Variants in ZNF518A observed in about 807,000 individuals in gnomAD.
ZNF518A encodes the protein zinc finger protein 518A.
In ZNF518A, 47 loss-of-function variants were observed where a neutral mutation model predicts 102.7. The observed-to-expected ratio is 0.46, with a 90% CI of 0.36 to 0.58. The LOEUF (loss-of-function observed/expected upper bound fraction) is 0.58, where lower values mean the gene tolerates loss of function less well. ZNF518A is among the 20% of genes least tolerant of loss of function. ZNF518A has a pLI of 0.00. For synonymous variants in ZNF518A, 652 were observed against 594.6 expected (o/e 1.10, Z -1.40); for missense variants, 1,793 against 1,699.8 (o/e 1.05, Z -0.96).
chr10:96,158,048 G>C lies in ZNF518A; in HGVS notation c.1726G>C (p.Val576Leu). 1 of 1,613,736 alleles carries C rather than the reference G, an allele frequency of 6.2e-7. No individual in the cohort carries two copies. The highest frequency in any genetic ancestry group is 8.5e-7 in the Non-Finnish European group (1 of 1,179,784). ...CACAAAATTTGAAACAAGAGATAAT[G>C]TTGACTTCTGGGGAAATCATCTCAC... is the stretch of plus-strand genomic sequence containing the variant. ...LTTKFETRDNVDFWGNHLTQS... is the reference protein window; with the variant it reads ...LTTKFETRDNLDFWGNHLTQS... The change falls in exon 6 of 6, where the codon GTT (valine) becomes CTT (leucine). Residue 576 changes from valine to leucine, a missense_variant. By Grantham distance (32) the Val-to-Leu change is conservative. Around this residue, in one of 3 missense-constraint regions of ZNF518A, gnomAD observed 1,741 missense variants for 1,622.6 expected, o/e 1.07. Coordinates refer to ENST00000316045, the MANE Select transcript of ZNF518A (RefSeq NM_001330736.2).
chr10:96,190,115 C>A lies in ZNF518A; in HGVS notation n.36-13459C>A. On this transcript the variant is annotated intron_variant and non_coding_transcript_variant, in intron 1 of 2. Transcript: ENST00000442635. ...AAGGATAACTGGTGCTCATTTTCATCATTATCCACCTTAAAGTGATCATCT... is the reference window on the plus strand; with the variant it reads ...AAGGATAACTGGTGCTCATTTTCATAATTATCCACCTTAAAGTGATCATCT... 3 of 991,418 alleles carry A rather than the reference C, an allele frequency of 3.0e-6. No individual in the cohort carries two copies. The South Asian group carries it at 3.8e-5, about 13-fold the overall frequency. 61.4% of individuals were successfully genotyped at this position (991,418 alleles called of 1,614,324 possible).
intron 1 of ZNF518A, among the ~76,000 whole-genome samples, chr10:96,186,253 C>G (rs2083271204): frequency 6.6e-6 from 1 of 152,208 alleles, no homozygotes; most frequent in African/African-American, 2.4e-5. Flanking sequence ...GTGAGATGAA[C>G]CAGGTACCTC....
intron 1 of ZNF518A, among the ~76,000 whole-genome samples, chr10:96,190,622 G>A (rs2083313310): frequency 2.0e-5 from 3 of 152,204 alleles, no homozygotes; most frequent in African/African-American, 7.2e-5. Flanking sequence ...GAGTTACCCT[G>A]AAATTATTAC....
At chr10:96,131,120 A>G (rs1387987638) in intron 1 of ZNF518A, among the ~76,000 whole-genome samples, 3 of 152,228 alleles carry the variant, frequency 2.0e-5, no homozygotes, top group Admixed American at 1.3e-4. Context: ...GAAAAATAAA[A>G]TAAGTCAATG....
At chr10:96,174,003 T>TA (rs2083189016) in intron 1 of ZNF518A, among the ~76,000 whole-genome samples, 1 of 152,098 alleles carries the variant, frequency 6.6e-6, no homozygotes, top group Non-Finnish European at 1.5e-5. Context: ...TACTCATAAA[T>TA]AATCAATGAA....
At chr10:96,132,424 T>C (rs2081385378) in intron 1 of ZNF518A, among the ~76,000 whole-genome samples, 162 bp from the exon 2 acceptor site, 1 of 151,938 alleles carries the variant, frequency 6.6e-6, no homozygotes, top group African/African-American at 2.4e-5. Flanking sequence ...ATTTGTGACA[T>C]GTTATCACTG....
chr10:96,151,235 CAG>C, intron 3 of ZNF518A, among the ~76,000 whole-genome samples: 1 of 152,226 alleles, frequency 6.6e-6, no homozygotes, highest in Non-Finnish European at 1.5e-5. Context: ...AAGATTTTCT[CAG>C]TGTTTTTGTT....
In ZNF518A at chr10:96,159,910, A is replaced by G. The variant is rs201399285; in HGVS notation, c.3588A>G (p.Leu1196=). The change falls in exon 6 of 6, where the codon TTA becomes TTG. Residue 1196 remains leucine (L), a synonymous_variant. Coordinates refer to ENST00000316045, the MANE Select transcript of ZNF518A (RefSeq NM_001330736.2). ...AATCTAGAGATGCCTTACCCTTCTTACTAGATGACTTAATGCCAGCAAATG... is the reference window on the plus strand; with the variant it reads ...AATCTAGAGATGCCTTACCCTTCTTGCTAGATGACTTAATGCCAGCAAATG... ...EPESRDALPF[L]LDDLMPANEI... The G allele has an allele frequency of 6.2e-7, 1 of 1,613,542 alleles. No individual in the cohort carries two copies. The highest frequency in any genetic ancestry group is 1.7e-5 in the Admixed American group (1 of 59,970).
chr10:96,146,476 C>T (rs2082179445), intron 3 of ZNF518A, among the ~76,000 whole-genome samples: 1 of 151,892 alleles, frequency 6.6e-6, no homozygotes, highest in Admixed American at 6.6e-5. Flanking sequence ...ACATCTTTTG[C>T]AATCTGATTA....
intron 1 of ZNF518A, chr10:96,199,851 C>T (rs1458469924): frequency 7.8e-6 from 2 of 257,942 alleles, no homozygotes; most frequent in Non-Finnish European, 1.5e-5. Context: ...TGGTAAAACC[C>T]CGTCTCTACT....
intron 1 of ZNF518A, among the ~76,000 whole-genome samples, chr10:96,185,347 G>T (rs2083265773): frequency 6.6e-6 from 1 of 152,170 alleles, no homozygotes; most frequent in Non-Finnish European, 1.5e-5. Flanking sequence ...TTCCGTTGCT[G>T]GCGAGGAGAG....
chr10:96,164,340 A>G (rs10509702), downstream of ZNF518A, among the ~76,000 whole-genome samples: 7,761 of 152,272 alleles, frequency 0.051, 277 homozygotes, highest in Middle Eastern at 0.085. Context: ...TGCCTTAGCA[A>G]CTTGTTAGGA....
chr10:96,164,813 TTAAAA>T (rs1240415653), downstream of ZNF518A, among the ~76,000 whole-genome samples: 3 of 152,374 alleles, frequency 2.0e-5, no homozygotes, highest in Admixed American at 6.5e-5. Context: ...TTCTAATGTG[TTAAAA>T]TAAGAATTTT....
chr10:96,174,262 GA>G (rs756144725), intron 1 of ZNF518A, among the ~76,000 whole-genome samples: 3 of 150,816 alleles, frequency 2.0e-5, no homozygotes, highest in East Asian at 1.9e-4. Context: ...TAAGGAACAA[GA>G]AAAAAAAGAG....
At chr10:96,202,853 C>G (rs587598805) in intron 1 of ZNF518A, among the ~76,000 whole-genome samples, 1 of 152,180 alleles carries the variant, frequency 6.6e-6, no homozygotes, top group Non-Finnish European at 1.5e-5. Flanking sequence ...TTTCAACATG[C>G]GTGCATCTCG....
In ZNF518A at chr10:96,159,729, C is replaced by G. The variant is rs1554886423; in HGVS notation, c.3407C>G (p.Pro1136Arg). ...TATCAAAATATACAGCCAAAGAAAC[C>G]TGAAGGAACACCACAAAGAATATTG... ...STYQNIQPKK[P>R]EGTPQRILLK... The change falls in exon 6 of 6, where the codon CCT becomes CGT. Residue 1136 changes from proline (P) to arginine (R), a missense_variant. Transcript: ENST00000316045. The G allele has an allele frequency of 6.2e-7, 1 of 1,613,194 alleles. No homozygotes were observed. The highest frequency in any genetic ancestry group is 1.1e-5 in the South Asian group (1 of 91,076).
In ZNF518A at chr10:96,162,145, A is replaced by G. The variant is rs2083024474; in HGVS notation, c.*1371A>G. 1 of 166,936 alleles carries G rather than the reference A, an allele frequency of 6.0e-6. No homozygotes were observed. The highest frequency in any genetic ancestry group is 2.1e-4 in the South Asian group (1 of 4,826). 10.3% of individuals were successfully genotyped at this position (166,936 alleles called of 1,614,324 possible). On this transcript the variant is annotated 3_prime_UTR_variant, in exon 6 of 6. Coordinates refer to ENST00000316045, the MANE Select transcript of ZNF518A (RefSeq NM_001330736.2). ...GAAAACTTCAGGGCTTCTTTTCTGT[A>G]TATAACAAATTAAGTCTGTACATAT...
rs143508649 is a variant in ZNF518A, at chr10:96,149,571, T to C, written c.-301-5755T>C. ...ATTTCTTTCTGTTTTAGCTTCCCCC[T>C]TCCTCCTTCCTCCCACAAGCTGGCA... On this transcript the variant is annotated intron_variant, in intron 3 of 5. Coordinates refer to ENST00000316045, the MANE Select transcript of ZNF518A (RefSeq NM_001330736.2). 5.5e-3 allele frequency among the ~76,000 whole-genome samples: 833 copies of C among 152,294 alleles called. 6 individuals are homozygous for C. Among genetic ancestry groups the C allele is most frequent in the South Asian group, 0.013 (62 of 4,826 alleles).
rs1405910024 is a variant in ZNF518A, at chr10:96,161,023, TGTTCTCGGGAA to T, written c.*253_*263del. The T allele has an allele frequency of 1.1e-5, 4 of 375,208 alleles. No individual in the cohort carries two copies. The highest frequency in any genetic ancestry group is 1.4e-5 in the Non-Finnish European group (3 of 208,416). The allele number at this position is 375,208 out of a possible 1,614,324, so 23.2% of individuals were successfully genotyped here. On this transcript the variant is annotated 3_prime_UTR_variant, in exon 6 of 6. Coordinates refer to ENST00000316045, the MANE Select transcript of ZNF518A (RefSeq NM_001330736.2). ...GTACCTTGATTTAATTTTTTAAACG[TGTTCTCGGGAA>T]GTTAGGGCTAAAGAAAATTTTGATA...
Sources: allele counts gnomAD v4.1 joint callset (sites outside exome capture counted in the v4.1 genomes callset), GRCh38; gene constraint gnomAD v4.1.1; regional missense constraint gnomAD v4.1.1; transcripts MANE v1.5; gene names NCBI Gene and HGNC (gene_info 2026-07-23, HGNC 2026-07-21).